The following TIA1 variants were observed in gnomAD, a reference collection of about 807,000 sequenced individuals.
The protein encoded by TIA1 is cytotoxic granule associated RNA binding protein TIA1.
Under a neutral mutation model 65.9 loss-of-function variants are expected in TIA1, and 23 were observed. The ratio of observed to expected loss-of-function variants is 0.35; its 90% CI spans 0.25 to 0.49. The LOEUF is 0.49. TIA1 is among the 20% of genes least tolerant of loss of function. The probability of loss-of-function intolerance (pLI) is 0.98; values close to 1 mark genes in which losing one functional copy is unlikely to be tolerated. For missense variants in TIA1, 371 were observed against 477.9 expected (o/e 0.78, Z 2.09); for synonymous variants, 147 against 149.4 (o/e 0.98, Z 0.12).
At chr2:70,226,943 C>CAT (rs549489617) in intron 6 of TIA1, among the ~76,000 whole-genome samples, 592 of 152,172 alleles carry the variant, frequency 3.9e-3, no homozygotes, top group Non-Finnish European at 6.2e-3. Context: ...TTTCCAGTCT[C>CAT]CTCATCTCAT....
intron 2 of TIA1, among the ~76,000 whole-genome samples, chr2:70,235,791 G>T (rs187506767): frequency 4.6e-5 from 7 of 152,262 alleles, no homozygotes; most frequent in African/African-American, 1.7e-4. Flanking sequence ...GCACCTGAAA[G>T]AGCCCATATA....
In TIA1 at chr2:70,209,902, G is replaced by A; in HGVS notation, c.*2817C>T. 1 of 393,936 alleles carries A rather than the reference G, an allele frequency of 2.5e-6. No individual in the cohort carries two copies. The highest frequency in any genetic ancestry group is 4.4e-5 in the Admixed American group (1 of 22,568). The allele number at this position is 393,936 out of a possible 1,614,324, so 24.4% of individuals were successfully genotyped here. Reference sequence around the variant, plus strand: ...ACCAACTGCCTTCTCAAATGGAATAGAACTATAACACACAAATAAAAGGAA... The same window carrying A: ...ACCAACTGCCTTCTCAAATGGAATAAAACTATAACACACAAATAAAAGGAA... On this transcript the variant is annotated 3_prime_UTR_variant, in exon 13 of 13. Coordinates refer to ENST00000433529, the MANE Select transcript of TIA1 (RefSeq NM_022173.4).
At chr2:70,244,140 C>A (rs1423049714) in intron 1 of TIA1, among the ~76,000 whole-genome samples, 2 of 152,186 alleles carry the variant, frequency 1.3e-5, no homozygotes, top group South Asian at 2.1e-4. Context: ...GACCTGCCCC[C>A]AAGGGCCCCT....
chr2:70,239,245 A>G (rs1690590273), intron 1 of TIA1, among the ~76,000 whole-genome samples: 1 of 152,032 alleles, frequency 6.6e-6, no homozygotes, highest in Non-Finnish European at 1.5e-5. Context: ...GGCACCCGCC[A>G]CCACGCCCGG....
chr2:70,242,722 G>A (rs949486443), intron 1 of TIA1, among the ~76,000 whole-genome samples: 2 of 152,092 alleles, frequency 1.3e-5, no homozygotes, highest in Non-Finnish European at 2.9e-5. Flanking sequence ...AGCAGGAGGT[G>A]AGCAGCAGGG....
chr2:70,216,136 T>G, intron 10 of TIA1, 72 bp downstream of exon 10: 1 of 1,221,756 alleles, frequency 8.2e-7, no homozygotes, highest in Non-Finnish European at 1.1e-6. Flanking sequence ...AAAAAGTTTT[T>G]TATTTTTATT....
chr2:70,218,888 G>C (rs1045332142), intron 7 of TIA1, among the ~76,000 whole-genome samples: 4 of 152,264 alleles, frequency 2.6e-5, no homozygotes, highest in Middle Eastern at 3.4e-3. Flanking sequence ...TTAAACTCAA[G>C]GCCAAAATAA....
chr2:70,217,042 T>A, intron 7 of TIA1, 48 bp from the exon 8 acceptor site: 14 of 1,549,866 alleles, frequency 9.0e-6, no homozygotes, highest in Middle Eastern at 1.7e-4. Flanking sequence ...TATTAGTTGA[T>A]GTTAAACAAC....
chr2:70,229,314 A>C lies in TIA1; in HGVS notation c.227T>G (p.Val76Gly). Residue 76 changes from valine (V) to glycine (G), a missense_variant, in exon 4 of 13, where the codon GTC becomes GGC. Val to Gly is a moderately radical substitution (Grantham distance 109). Coordinates refer to ENST00000433529, the MANE Select transcript of TIA1 (RefSeq NM_022173.4). ...AGGGGTTGTTGCCCAATTCACTTTG[A>C]CTTCCTAAAAAAAAAAAATTTCTAC... ...MNGRKIMGKE[V>G]KVNWATTPSS... The C allele has an allele frequency of 2.5e-6, 4 of 1,605,414 alleles. No individual in the cohort carries two copies. The highest frequency in any genetic ancestry group is 3.4e-6 in the Non-Finnish European group (4 of 1,178,034).
chr2:70,221,008 T>A lies in TIA1; in HGVS notation c.474+3546A>T, dbSNP rs537109378. Among the ~76,000 whole-genome samples the A allele has an allele frequency of 1.7e-3, 253 of 151,428 alleles. 1 individual carries two copies. The highest frequency in any genetic ancestry group is 4.8e-3 in the South Asian group (23 of 4,806). On this transcript the variant is annotated intron_variant, in intron 7 of 12. Transcript: ENST00000433529. ...AAGTGAGATTGTTCCTACAAAAAAATATATATATATATTTTTGAGACGGAG... is the reference window on the plus strand; with the variant it reads ...AAGTGAGATTGTTCCTACAAAAAAAAATATATATATATTTTTGAGACGGAG...
chr2:70,240,284 C>G (rs1248334214), intron 1 of TIA1, among the ~76,000 whole-genome samples: 1 of 152,102 alleles, frequency 6.6e-6, no homozygotes, highest in Non-Finnish European at 1.5e-5. Context: ...AAAAGTCTAA[C>G]CTAAATCTAA....
intron 6 of TIA1, chr2:70,225,061 T>A: frequency 1.0e-6 from 1 of 982,266 alleles, no homozygotes; most frequent in Non-Finnish European, 1.2e-6. Context: ...ACCAAAAGAA[T>A]GAAAAAGTTG....
chr2:70,228,543 C>T (rs1684744366), intron 5 of TIA1: 1 of 1,113,580 alleles, frequency 9.0e-7, no homozygotes, highest in African/African-American at 1.7e-5. Flanking sequence ...AAATAACCAA[C>T]CCATATCTGA....
intron 7 of TIA1, among the ~76,000 whole-genome samples, chr2:70,220,275 T>A (rs2104098921): frequency 6.6e-6 from 1 of 152,070 alleles, no homozygotes; most frequent in East Asian, 1.9e-4. Context: ...GGGCATGGTG[T>A]TGCAACACCT....
intron 1 of TIA1, among the ~76,000 whole-genome samples, chr2:70,238,398 G>A (rs1254671556): frequency 4.1e-5 from 6 of 145,508 alleles, no homozygotes; most frequent in Non-Finnish European, 4.5e-5. Context: ...AGCCACCCAC[G>A]TAGCTGGGGC....
chr2:70,230,167 C>G (rs531541200), intron 3 of TIA1, among the ~76,000 whole-genome samples: 1 of 149,576 alleles, frequency 6.7e-6, no homozygotes, highest in East Asian at 2.0e-4. Context: ...GGCATGAACC[C>G]GGAAGGCAGA....
rs989229014 is a variant in TIA1 at position 70,224,904 on chromosome 2, A to G, written c.399-275T>C. The G allele has an allele frequency of 2.0e-5, 23 of 1,161,246 alleles. No homozygotes were observed. The East Asian group carries it at 5.4e-4, about 27-fold the overall frequency. The allele number at this position is 1,161,246 out of a possible 1,614,324, so 71.9% of individuals were successfully genotyped here. A position where few individuals can be genotyped will look rare whatever the true frequency, so the allele number is the denominator to read the frequency against. On this transcript the variant is annotated intron_variant, in intron 6 of 12. Transcript: ENST00000433529. ...CTTTTTAAACTTTTAAATATTAAGC[A>G]TGGTGAAAGCAGCTACTCACATGAA...
chr2:70,214,529 C>CTA (rs765978948), intron 11 of TIA1, 35 bp from the exon 12 acceptor site: 82 of 1,505,650 alleles, frequency 5.4e-5, no homozygotes, highest in African/African-American at 4.6e-4. Context: ...TTGAAGTTAA[C>CTA]TATATATATA....
chr2:70,218,713 G>C (rs755977023), intron 7 of TIA1, among the ~76,000 whole-genome samples: 5 of 152,232 alleles, frequency 3.3e-5, no homozygotes, highest in Admixed American at 2.6e-4. Context: ...GATTACAGGC[G>C]TGAGCCACCG....
Sources: gnomAD v4.1 joint callset for allele counts (sites outside exome capture counted in the v4.1 genomes callset) on GRCh38, gnomAD v4.1.1 for gene constraint, MANE v1.5 for transcripts, NCBI Gene and HGNC (gene_info 2026-07-23, HGNC 2026-07-21) for gene names.